Variants in ZNF99 observed in about 807,000 individuals in gnomAD.
ZNF99 encodes zinc finger protein ENSP00000375192.
ZNF99 carries 8 observed loss-of-function variants against 12.8 expected under a neutral mutation model. The observed-to-expected ratio is 0.62, with a 90% CI of 0.37 to 1.13. ZNF99 has a LOEUF of 1.13. Among genes scored for constraint, ZNF99 ranks in the 50% most tolerant of loss-of-function variants. The pLI is 0.02. For missense variants in ZNF99, 1,007 were observed against 1,006.2 expected (o/e 1.00, Z -0.01); for synonymous variants, 318 against 319.0 (o/e 1.00, Z 0.03).
At position 22,758,504 on chromosome 19, in the gene ZNF99, T is replaced by C; in HGVS notation, c.1405A>G (p.Arg469Gly). Residue 469 changes from arginine (R) to glycine (G), a missense_variant, in exon 4 of 4, where the codon AGA becomes GGA. Physicochemically the swap from Arg to Gly is moderately radical, Grantham distance 125 (BLOSUM62 -2). Coordinates refer to ENST00000596209, the MANE Select transcript of ZNF99 (RefSeq NM_001080409.3). ...SKAFSNFSAL[R>G]KHEIIHTGEK... ...CCAGTATGAATTATCTCATGTTTTC[T>C]AAGGGCTGAAAAATTGCTAAAAGCT... The C allele has an allele frequency of 6.2e-7, 1 of 1,613,414 alleles. No homozygotes were observed. Among genetic ancestry groups the C allele is most frequent in the Non-Finnish European group, 8.5e-7 (1 of 1,179,658 alleles).
At position 22,758,918 on chromosome 19, in the gene ZNF99, G is replaced by A. The variant is rs1411830073; in HGVS notation, c.991C>T (p.His331Tyr). Residue 331 changes from histidine (H) to tyrosine (Y), a missense_variant, in exon 4 of 4, where the codon CAT becomes TAT. Coordinates refer to ENST00000596209, the MANE Select transcript of ZNF99 (RefSeq NM_001080409.3). ...AFNHFSALRK[H>Y]QIIHTGKKPY... ...TTCTTTCCAGTATGAATTATCTGAT[G>A]TTTTCTAAGGGCTGAGAAATGGTTA... 1 of 1,613,520 alleles carries A rather than the reference G, an allele frequency of 6.2e-7. No homozygotes were observed. The highest frequency in any genetic ancestry group is 8.5e-7 in the Non-Finnish European group (1 of 1,179,834).
At chr19:22,779,766 C>T (rs752766084) in intron 1 of ZNF99, among the ~76,000 whole-genome samples, 19 of 152,076 alleles carry the variant, frequency 1.2e-4, no homozygotes, top group Non-Finnish European at 2.4e-4. Context: ...CCATCCCCTC[C>T]GACCTCCTCT....
intron 1 of ZNF99, 46 bp downstream of exon 1, chr19:22,783,966 CCA>C (rs776262705): frequency 6.2e-7 from 1 of 1,613,450 alleles, no homozygotes; most frequent in African/African-American, 1.3e-5. Context: ...TCCACCGGTT[CCA>C]GTCAGCCCCT....
At position 22,759,433 on chromosome 19, in the gene ZNF99, T is replaced by C. The variant is rs368885859; in HGVS notation, c.476A>G (p.Asn159Ser). Residue 159 changes from asparagine (N) to serine (S), a missense_variant, in exon 4 of 4, where the codon AAT becomes AGT. Coordinates refer to ENST00000596209, the MANE Select transcript of ZNF99 (RefSeq NM_001080409.3). ...GTGTCTAATCTTATATCTATTTGAA[T>C]TTGAATATTTATGAAAGACTTTCAC... ...KYVKVFHKYS[N>S]SNRYKIRHTK... The C allele has an allele frequency of 2.7e-5, 43 of 1,590,886 alleles. No homozygotes were observed. The highest frequency in any genetic ancestry group is 2.0e-4 in the East Asian group (9 of 44,516).
chr19:22,775,306 G>A (rs528481212), intron 1 of ZNF99, among the ~76,000 whole-genome samples: 4 of 152,186 alleles, frequency 2.6e-5, no homozygotes, highest in East Asian at 1.9e-4. Flanking sequence ...AGAGGAATGT[G>A]GGAAGAAATC....
intron 1 of ZNF99, among the ~76,000 whole-genome samples, chr19:22,778,324 C>T (rs1417611299): frequency 6.6e-6 from 1 of 152,060 alleles, no homozygotes; most frequent in Admixed American, 6.6e-5. Flanking sequence ...CCATTCCAGA[C>T]CAGGCCTCTG....
At chr19:22,769,450 A>G in intron 1 of ZNF99, 126 bp from the exon 2 acceptor site, 1 of 1,011,754 alleles carries the variant, frequency 9.9e-7, no homozygotes, top group Non-Finnish European at 1.4e-6. Context: ...GACTGAACGT[A>G]TTCAGTAAAA....
At chr19:22,772,568 T>G (rs1973284651) in intron 1 of ZNF99, among the ~76,000 whole-genome samples, 1 of 151,730 alleles carries the variant, frequency 6.6e-6, no homozygotes, top group African/African-American at 2.4e-5. Context: ...TCCCAGCTAT[T>G]CGGGAGGCTG....
intron 3 of ZNF99, among the ~76,000 whole-genome samples, chr19:22,761,825 T>C (rs1418676441): frequency 6.6e-5 from 10 of 152,056 alleles, no homozygotes. Flanking sequence ...GGAATTCAAC[T>C]ACAAAAGGAA....
At position 22,758,039 on chromosome 19, in the gene ZNF99, C is replaced by T. The variant is rs754833618; in HGVS notation, c.1870G>A (p.Glu624Lys). The T allele has an allele frequency of 3.7e-6, 6 of 1,610,172 alleles. No homozygotes were observed. The South Asian group carries it at 6.6e-5, about 18-fold the overall frequency. ...IHTGKKPYKC[E>K]ECGKAFSQSS... is the part of the protein sequence containing the mutation. ...TGGCTAAAAGCTTTGCCACATTCTT[C>T]ACATTTGTAGGGTTTCTTTCCAGTA... is the stretch of plus-strand genomic sequence containing the variant. The change falls in exon 4 of 4, where the codon GAA becomes AAA. Residue 624 changes from glutamate to lysine, a missense_variant. Coordinates refer to ENST00000596209, the MANE Select transcript of ZNF99 (RefSeq NM_001080409.3).
chr19:22,770,093 C>T (rs1296739277), intron 1 of ZNF99: 2 of 1,091,174 alleles, frequency 1.8e-6, no homozygotes, highest in African/African-American at 1.7e-5. Flanking sequence ...CTGAATTTGA[C>T]AAGCTCACCA....
chr19:22,759,846 C>G (rs551100075), intron 3 of ZNF99, among the ~76,000 whole-genome samples, 164 bp from the exon 4 acceptor site: 1 of 152,268 alleles, frequency 6.6e-6, no homozygotes, highest in Admixed American at 6.5e-5. Context: ...TAAAAACATA[C>G]TGACCAAAAT....
intron 1 of ZNF99, chr19:22,769,912 T>G: frequency 2.2e-6 from 3 of 1,361,374 alleles, no homozygotes; most frequent in Non-Finnish European, 2.9e-6. Context: ...CATGATAACA[T>G]GTACATTTTT....
intron 3 of ZNF99, among the ~76,000 whole-genome samples, chr19:22,764,625 A>C (rs1417676901): frequency 6.7e-6 from 1 of 148,980 alleles, no homozygotes; most frequent in Non-Finnish European, 1.5e-5. Context: ...CAATGCACTC[A>C]AACAAATCAG....
chr19:22,784,083 C>T lies in ZNF99; in HGVS notation c.-67G>A. The T allele has an allele frequency of 6.3e-7, 1 of 1,588,572 alleles. No homozygotes were observed. Among genetic ancestry groups the T allele is most frequent in the South Asian group, 1.1e-5 (1 of 90,076 alleles). ...TCCAAATACCTACAGGTCACAGGGC[C>T]ACAGAGGCTAAGGACACAGAGCAGT... On this transcript the variant is annotated 5_prime_UTR_variant, in exon 1 of 4. Transcript: ENST00000596209.
chr19:22,783,748 G>C (rs1973416158), intron 1 of ZNF99, among the ~76,000 whole-genome samples: 1 of 152,212 alleles, frequency 6.6e-6, no homozygotes, highest in African/African-American at 2.4e-5. Context: ...CTGTGAGAGA[G>C]GAGGCGCTGC....
At position 22,753,803 on chromosome 19, in the gene ZNF99, T is replaced by C. The variant is rs954386469; in HGVS notation, c.*3511A>G. The C allele has an allele frequency of 2.7e-5, 6 of 225,598 alleles. No homozygotes were observed. The highest frequency in any genetic ancestry group is 1.4e-4 in the African/African-American group (6 of 43,342). 14.0% of individuals were successfully genotyped at this position (225,598 alleles called of 1,614,324 possible). On this transcript the variant is annotated 3_prime_UTR_variant, in exon 4 of 4. Coordinates refer to ENST00000596209, the MANE Select transcript of ZNF99 (RefSeq NM_001080409.3). ...ATAGGTGTACATTTTTTTTCAAGTA[T>C]AAATGCTTTCCTATGCGATAAGGTG...
At chr19:22,775,862 T>G (rs1973320226) in intron 1 of ZNF99, among the ~76,000 whole-genome samples, 1 of 151,500 alleles carries the variant, frequency 6.6e-6, no homozygotes, top group South Asian at 2.1e-4. Flanking sequence ...CAGTCTTTAC[T>G]AAAAACACAA....
rs748774301 is a variant in ZNF99 at position 22,754,744 on chromosome 19, G to T, written c.*2570C>A. ...TTTGCAACATTCTTCACGTTTGTAG[G>T]GTTTCTCTTCAGTATAAATTGTTTA... On this transcript the variant is annotated 3_prime_UTR_variant, in exon 4 of 4. Transcript: ENST00000596209. 7.6e-6 allele frequency: 2 copies of T among 262,442 alleles called. No individual in the cohort carries two copies. Among genetic ancestry groups the T allele is most frequent in the Non-Finnish European group, 1.5e-5 (2 of 131,964 alleles). 16.3% of individuals were successfully genotyped at this position (262,442 alleles called of 1,614,324 possible). A position where few individuals can be genotyped will look rare whatever the true frequency, so the allele number is the denominator to read the frequency against.
Sources: allele counts gnomAD v4.1 joint callset (sites outside exome capture counted in the v4.1 genomes callset), GRCh38; gene constraint gnomAD v4.1.1; transcripts MANE v1.5; gene names NCBI Gene and HGNC (gene_info 2026-07-23, HGNC 2026-07-21).